Variants in ATP6V0A2 observed in about 807,000 individuals in gnomAD.
ATP6V0A2 encodes the protein ATPase H+ transporting V0 subunit a2.
ATP6V0A2 carries 58 observed loss-of-function variants against 104.4 expected under a neutral mutation model. That is an observed-to-expected ratio of 0.56 (90% CI 0.45 to 0.69). ATP6V0A2 has a LOEUF of 0.69. ATP6V0A2 is among the 30% of genes least tolerant of loss of function. ATP6V0A2 has a pLI of 0.00. For missense variants in ATP6V0A2, 938 were observed against 1,062.9 expected (o/e 0.88, Z 1.63); for synonymous variants, 376 against 397.9 (o/e 0.95, Z 0.65).
intron 7 of ATP6V0A2, among the ~76,000 whole-genome samples, chr12:123,734,382 G>A (rs1359351920): frequency 6.6e-6 from 1 of 152,134 alleles, no homozygotes; most frequent in African/African-American, 2.4e-5. Flanking sequence ...GGGTACCCTG[G>A]GGCAGGGGTG....
intron 9 of ATP6V0A2, 141 bp downstream of exon 9, chr12:123,737,412 T>A: frequency 1.2e-6 from 1 of 869,508 alleles, no homozygotes; most frequent in South Asian, 1.5e-5. Flanking sequence ...TTTTAAAATA[T>A]TAATTAACAA....
chr12:123,754,443 G>A lies in ATP6V0A2; in HGVS notation c.2199G>A (p.Met733Ile). ...CEEFNFGEILMTQVIHSIEYC... is the reference protein window; with the variant it reads ...CEEFNFGEILITQVIHSIEYC... ...AGTTTAATTTTGGAGAAATATTAAT[G>A]ACCCAAGTAATCCATTCCATCGAGT... The change falls in exon 18 of 20, where the codon ATG becomes ATA. Residue 733 changes from methionine (M) to isoleucine (I), a missense_variant. Physicochemically the swap from Met to Ile is conservative, Grantham distance 10. Coordinates refer to ENST00000330342, the MANE Select transcript of ATP6V0A2 (RefSeq NM_012463.4). 1 of 1,613,210 alleles carries A rather than the reference G, an allele frequency of 6.2e-7. No homozygotes were observed. Among genetic ancestry groups the A allele is most frequent in the Middle Eastern group, 1.7e-4 (1 of 6,060 alleles).
At chr12:123,752,248 T>A in intron 16 of ATP6V0A2, 35 bp from the exon 17 acceptor site, 4 of 1,613,788 alleles carry the variant, frequency 2.5e-6, no homozygotes, top group South Asian at 1.1e-5. Flanking sequence ...CTTGTGGTTT[T>A]ACAGGCACTG....
chr12:123,756,607 G>A (rs1012079928), intron 18 of ATP6V0A2: 2 of 585,266 alleles, frequency 3.4e-6, no homozygotes, highest in Non-Finnish European at 6.0e-6. Flanking sequence ...GATATTTTTG[G>A]AGCACCAGGT....
At chr12:123,757,803 C>A in intron 19 of ATP6V0A2, 124 bp from the exon 20 acceptor site, 2 of 683,736 alleles carry the variant, frequency 2.9e-6, no homozygotes, top group Non-Finnish European at 4.9e-6. Context: ...AATATATGTG[C>A]CAAGAACATA....
Position 123,752,174 on chromosome 12 carries a change from A to G in ATP6V0A2, c.2056-109A>G, listed in dbSNP as rs1956721797. 4 of 1,490,618 alleles carry G rather than the reference A, an allele frequency of 2.7e-6. No homozygotes were observed. In the South Asian group the frequency reaches 3.5e-5, roughly 13 times the overall value. 92.3% of individuals were successfully genotyped at this position (1,490,618 alleles called of 1,614,324 possible). On this transcript the variant is annotated intron_variant, in intron 16 of 19. Coordinates refer to ENST00000330342, the MANE Select transcript of ATP6V0A2 (RefSeq NM_012463.4). The stretch of plus-strand genomic sequence containing the variant: ...TGTGCCTAGCCTAAAGAACTTTTTT[A>G]TTCTCAAAGAGCTGAATCATTAAGA...
chr12:123,736,436 C>T (rs1013490643), intron 8 of ATP6V0A2, among the ~76,000 whole-genome samples: 1 of 152,108 alleles, frequency 6.6e-6, no homozygotes, highest in African/African-American at 2.4e-5. Context: ...TCGTGATCCA[C>T]CCGCCTCGGC....
intron 9 of ATP6V0A2, among the ~76,000 whole-genome samples, chr12:123,741,100 T>C (rs1371978493): frequency 6.6e-6 from 1 of 152,172 alleles, no homozygotes; most frequent in Non-Finnish European, 1.5e-5. Flanking sequence ...TTATGTAAGA[T>C]TGGGCTTCTC....
At position 123,712,520 on chromosome 12, in the gene ATP6V0A2, A is replaced by AGCC. The variant is rs1566270068; in HGVS notation, c.-36_-34dup. The AGCC allele has an allele frequency of 2.1e-5, 30 of 1,446,176 alleles. No homozygotes were observed. Among genetic ancestry groups the AGCC allele is most frequent in the Non-Finnish European group, 2.6e-5 (28 of 1,070,874 alleles). The allele number at this position is 1,446,176 out of a possible 1,614,324, so 89.6% of individuals were successfully genotyped here. On this transcript the variant is annotated 5_prime_UTR_variant, in exon 1 of 20. Coordinates refer to ENST00000330342, the MANE Select transcript of ATP6V0A2 (RefSeq NM_012463.4). The stretch of plus-strand genomic sequence containing the variant: ...GAGTGTGCGGGCCCGCGCGGCTCGG[A>AGCC]GCCGCCGCCGCCCATCGAGCCCCTC...
chr12:123,728,043 G>T, intron 6 of ATP6V0A2, 134 bp downstream of exon 6: 1 of 1,123,426 alleles, frequency 8.9e-7, no homozygotes, highest in Non-Finnish European at 1.3e-6. Flanking sequence ...CTTCAACCAC[G>T]TGTAGTGTGT....
At chr12:123,745,064 G>T (rs567568843) in intron 13 of ATP6V0A2, 92 bp downstream of exon 13, 46 of 1,270,190 alleles carry the variant, frequency 3.6e-5, no homozygotes, top group Non-Finnish European at 5.1e-5. Context: ...GTTGAGCAGG[G>T]TTCACGCTGC....
chr12:123,751,316 G>C, intron 16 of ATP6V0A2, 87 bp downstream of exon 16: 1 of 1,590,838 alleles, frequency 6.3e-7, no homozygotes, highest in Non-Finnish European at 8.6e-7. Context: ...ACCTCCTGGA[G>C]GGTCCCTGTC....
intron 17 of ATP6V0A2, 129 bp from the exon 18 acceptor site, chr12:123,754,291 C>A: frequency 1.3e-6 from 1 of 756,676 alleles, no homozygotes. Context: ...TCCTCACACT[C>A]TAGCGTGTTC....
intron 9 of ATP6V0A2, among the ~76,000 whole-genome samples, chr12:123,739,638 G>A (rs1488164342): frequency 6.6e-6 from 1 of 152,190 alleles, no homozygotes; most frequent in Non-Finnish European, 1.5e-5. Flanking sequence ...CTAGTCACTT[G>A]GCTGCCTGAA....
At position 123,751,291 on chromosome 12, in the gene ATP6V0A2, A is replaced by T. The variant is rs1956711896; in HGVS notation, c.2055+62A>T. The T allele has an allele frequency of 3.7e-6, 6 of 1,612,808 alleles. No homozygotes were observed. The South Asian group carries it at 5.5e-5, about 15-fold the overall frequency. On this transcript the variant is annotated intron_variant, in intron 16 of 19. Coordinates refer to ENST00000330342, the MANE Select transcript of ATP6V0A2 (RefSeq NM_012463.4). ...AAAGCTTGCTTTCGGTTATACAAGGATTGGTGTAGAAAACACCTCCTGGAG... is the reference window on the plus strand; with the variant it reads ...AAAGCTTGCTTTCGGTTATACAAGGTTTGGTGTAGAAAACACCTCCTGGAG...
At chr12:123,756,726 C>T (rs1229963525) in intron 18 of ATP6V0A2, 89 bp from the exon 19 acceptor site, 5 of 1,382,562 alleles carry the variant, frequency 3.6e-6, no homozygotes, top group East Asian at 4.6e-5. Context: ...AGTTCAGGGC[C>T]GTCAGGGGGA....
At chr12:123,755,179 A>G (rs1463404770) in intron 18 of ATP6V0A2, among the ~76,000 whole-genome samples, 2 of 152,164 alleles carry the variant, frequency 1.3e-5, no homozygotes, top group Non-Finnish European at 2.9e-5. Flanking sequence ...GTGCTCGGCA[A>G]TGTTTCAGGA....
chr12:123,725,899 A>G (rs2135888900), intron 4 of ATP6V0A2, among the ~76,000 whole-genome samples: 1 of 152,284 alleles, frequency 6.6e-6, no homozygotes, highest in South Asian at 2.1e-4. Context: ...TTCCAAACTT[A>G]GTTTCACTTG....
At chr12:123,743,721 T>C in intron 9 of ATP6V0A2, 64 bp from the exon 10 acceptor site, 2 of 1,578,116 alleles carry the variant, frequency 1.3e-6, no homozygotes, top group South Asian at 2.2e-5. Flanking sequence ...CCAGATTCGT[T>C]GAATATGGAT....
Sources: gnomAD v4.1 joint callset for allele counts (sites outside exome capture counted in the v4.1 genomes callset) on GRCh38, gnomAD v4.1.1 for gene constraint, MANE v1.5 for transcripts, NCBI Gene and HGNC (gene_info 2026-07-23, HGNC 2026-07-21) for gene names.